LRRTM4: variants seen among roughly 807,000 people sequenced by gnomAD.
The protein encoded by LRRTM4 is leucine-rich repeat transmembrane neuronal protein 4.
LRRTM4 carries 25 observed loss-of-function variants against 47.6 expected under a neutral mutation model. That is an observed-to-expected ratio of 0.53 (90% CI 0.38 to 0.73). LRRTM4 has a LOEUF of 0.73. Ranked by LOEUF, LRRTM4 falls within the 30% of genes least tolerant of loss-of-function variation. The pLI is 0.00. For missense variants in LRRTM4, 638 were observed against 713.4 expected (o/e 0.89, Z 1.20); for synonymous variants, 311 against 269.5 (o/e 1.15, Z -1.51).
intron 3 of LRRTM4, among the ~76,000 whole-genome samples, chr2:77,416,229 T>C (rs1674630337): frequency 1.3e-5 from 2 of 152,116 alleles, no homozygotes; most frequent in Admixed American, 1.3e-4. Flanking sequence ...TTTCAAATAA[T>C]GACTGCAAAA....
chr2:76,899,416 G>C (rs1449276632), intron 3 of LRRTM4, among the ~76,000 whole-genome samples: 1 of 151,752 alleles, frequency 6.6e-6, no homozygotes, highest in Non-Finnish European at 1.5e-5. Context: ...AGGGCAAAAA[G>C]TGTTGGAGGT....
chr2:77,512,431 A>G lies in LRRTM4; in HGVS notation c.1551+5887T>C, dbSNP rs534552812. On this transcript the variant is annotated intron_variant, in intron 3 of 3. Transcript: ENST00000409884. ...ATTGAGATTTTATTAAACTGACTCA[A>G]TGAATGATGGTTCTTCTGGTACTAT... is the stretch of plus-strand genomic sequence containing the variant. Among the ~76,000 whole-genome samples the G allele has an allele frequency of 5.7e-4, 87 of 152,262 alleles. 1 individual carries two copies. Among genetic ancestry groups the G allele is most frequent in the African/African-American group, 1.9e-3 (79 of 41,566 alleles).
intron 3 of LRRTM4, among the ~76,000 whole-genome samples, chr2:76,919,866 C>A (rs1674379704): frequency 6.6e-6 from 1 of 152,200 alleles, no homozygotes; most frequent in East Asian, 1.9e-4. Context: ...CTTGTTGTGT[C>A]ATTTTCTGGT....
At chr2:77,151,117 ATG>A (rs144817565) in intron 3 of LRRTM4, among the ~76,000 whole-genome samples, 490 of 147,050 alleles carry the variant, frequency 3.3e-3, no homozygotes, top group South Asian at 4.1e-3. Flanking sequence ...ACGTCCGTGT[ATG>A]TGTGTGTGTG....
In LRRTM4 at chr2:76,948,902, T is replaced by G. The variant is rs536972421; in HGVS notation, c.1552-199986A>C. ...TTTATGAGAAGGAATATACATTTGGTGGATTTCATTTAAATATTTTACTGA... is the reference window on the plus strand; with the variant it reads ...TTTATGAGAAGGAATATACATTTGGGGGATTTCATTTAAATATTTTACTGA... On this transcript the variant is annotated intron_variant, in intron 3 of 3. Coordinates refer to ENST00000409884, the MANE Select transcript of LRRTM4 (RefSeq NM_001134745.3). Among the ~76,000 whole-genome samples, 39 of 151,982 alleles carry G rather than the reference T, an allele frequency of 2.6e-4. No homozygotes were observed. The East Asian group carries it at 6.0e-3, about 23-fold the overall frequency.
chr2:77,295,525 T>C (rs114390326), intron 3 of LRRTM4, among the ~76,000 whole-genome samples: 1,980 of 152,284 alleles, frequency 0.013, 36 homozygotes, highest in African/African-American at 0.045. Flanking sequence ...TGACCATCAT[T>C]GCATTAGTTT....
intron 3 of LRRTM4, among the ~76,000 whole-genome samples, chr2:77,024,679 A>G (rs1322983258): frequency 6.6e-6 from 1 of 152,142 alleles, no homozygotes; most frequent in Non-Finnish European, 1.5e-5. Flanking sequence ...TACTCACTTA[A>G]CACTTTTCCA....
chr2:76,815,518 G>A (rs920770103), intron 3 of LRRTM4, among the ~76,000 whole-genome samples: 6 of 152,208 alleles, frequency 3.9e-5, no homozygotes, highest in African/African-American at 1.4e-4. Flanking sequence ...TACCTGGAAT[G>A]GCTTAAGGCA....
chr2:77,123,386 G>A lies in LRRTM4; in HGVS notation c.1552-374470C>T, dbSNP rs996591464. Among the ~76,000 whole-genome samples the A allele has an allele frequency of 2.2e-4, 34 of 151,788 alleles. 1 individual carries two copies. Among genetic ancestry groups the A allele is most frequent in the Admixed American group, 1.1e-3 (16 of 15,222 alleles). ...TTTTCTGGCTTACAGCCTTAATTAC[G>A]TAAAAACAGAGGAAACCCCAACTGA... is the stretch of plus-strand genomic sequence containing the variant. On this transcript the variant is annotated intron_variant, in intron 3 of 3. Coordinates refer to ENST00000409884, the MANE Select transcript of LRRTM4 (RefSeq NM_001134745.3).
At chr2:76,819,788 T>A (rs149288824) in intron 3 of LRRTM4, among the ~76,000 whole-genome samples, 1 of 151,912 alleles carries the variant, frequency 6.6e-6, no homozygotes, top group South Asian at 2.1e-4. Context: ...GATCTAAAAT[T>A]CTATTTTCAT....
chr2:76,924,721 G>A (rs528891283), intron 3 of LRRTM4, among the ~76,000 whole-genome samples: 1 of 151,982 alleles, frequency 6.6e-6, no homozygotes, highest in South Asian at 2.1e-4. Flanking sequence ...GCAGAAAATT[G>A]CACCCAGCTG....
chr2:77,461,489 T>TA (rs1340384739), intron 3 of LRRTM4, among the ~76,000 whole-genome samples: 2 of 152,108 alleles, frequency 1.3e-5, no homozygotes, highest in Non-Finnish European at 2.9e-5. Flanking sequence ...ACTGAAATGT[T>TA]AAAATACCCA....
intron 3 of LRRTM4, among the ~76,000 whole-genome samples, chr2:77,427,519 T>A (rs1675170549): frequency 2.0e-5 from 3 of 152,340 alleles, no homozygotes; most frequent in Admixed American, 2.0e-4. Context: ...TGTGTAACAA[T>A]GATTTATAAG....
intron 3 of LRRTM4, among the ~76,000 whole-genome samples, chr2:76,783,825 A>G (rs561251102): frequency 6.6e-6 from 1 of 152,220 alleles, no homozygotes; most frequent in East Asian, 1.9e-4. Context: ...AGTGCCGTAT[A>G]TTTTAATTGC....
intron 3 of LRRTM4, among the ~76,000 whole-genome samples, chr2:77,497,940 A>T (rs115114919): frequency 1.2e-3 from 177 of 151,858 alleles, no homozygotes; most frequent in African/African-American, 4.1e-3. Context: ...TGATGTCTTC[A>T]TATCATCTTA....
At chr2:76,843,085 T>C (rs1671735114) in intron 3 of LRRTM4, among the ~76,000 whole-genome samples, 1 of 152,196 alleles carries the variant, frequency 6.6e-6, no homozygotes, top group Non-Finnish European at 1.5e-5. Context: ...CATTAGAATG[T>C]AGTTTTGCTT....
chr2:77,049,014 C>T (rs974927856), intron 3 of LRRTM4, among the ~76,000 whole-genome samples: 4 of 150,480 alleles, frequency 2.7e-5, no homozygotes, highest in Non-Finnish European at 5.9e-5. Context: ...TGAGAAAATA[C>T]AATATTCATC....
intron 3 of LRRTM4, among the ~76,000 whole-genome samples, chr2:76,893,104 G>A (rs936886554): frequency 4.0e-5 from 6 of 149,112 alleles, no homozygotes; most frequent in African/African-American, 7.4e-5. Context: ...ACCTGACCAC[G>A]TAATTTGAAT....
At chr2:77,201,495 T>C (rs1040366516) in intron 3 of LRRTM4, among the ~76,000 whole-genome samples, 1 of 152,104 alleles carries the variant, frequency 6.6e-6, no homozygotes, top group African/African-American at 2.4e-5. Context: ...AATAGTTTGG[T>C]TGACAAAACA....
Sources: gnomAD v4.1 joint callset for allele counts (sites outside exome capture counted in the v4.1 genomes callset) on GRCh38, gnomAD v4.1.1 for gene constraint, MANE v1.5 for transcripts, NCBI Gene and HGNC (gene_info 2026-07-23, HGNC 2026-07-21) for gene names.